Variants in ZRANB3 observed in about 807,000 individuals in gnomAD.
ZRANB3 encodes DNA annealing helicase and endonuclease ZRANB3.
A neutral mutation model predicts 133.8 loss-of-function variants in ZRANB3; 125 were observed. The ratio of observed to expected loss-of-function variants is 0.93; its 90% CI spans 0.81 to 1.08. ZRANB3 has a LOEUF of 1.08. Among genes scored for constraint, ZRANB3 ranks in the 50% least tolerant of loss-of-function variants. The probability of loss-of-function intolerance (pLI) is 0.00; values close to 1 mark genes in which losing one functional copy is unlikely to be tolerated. For synonymous variants in ZRANB3, 387 were observed against 432.7 expected, an observed-to-expected ratio of 0.89 and a Z score of 1.31; for missense variants, 1,229 against 1,275.5, an observed-to-expected ratio of 0.96 and a Z score of 0.56.
At chr2:135,395,183 G>T (rs1050602513) in intron 2 of ZRANB3, among the ~76,000 whole-genome samples, 12 of 152,032 alleles carry the variant, frequency 7.9e-5, no homozygotes, top group Admixed American at 2.0e-4. Context: ...AGAGAACCGA[G>T]AAACAAATCC....
At chr2:135,414,387 TCAA>T (rs200982196) in intron 2 of ZRANB3, among the ~76,000 whole-genome samples, 4,194 of 152,198 alleles carry the variant, frequency 0.028, 85 homozygotes, top group South Asian at 0.045. Context: ...AGGGAACAGT[TCAA>T]CAAGAAGAGC....
chr2:135,220,049 T>A (rs1694474936), intron 15 of ZRANB3, among the ~76,000 whole-genome samples: 1 of 151,890 alleles, frequency 6.6e-6, no homozygotes, highest in African/African-American at 2.4e-5. Context: ...TTTTTTATAT[T>A]TTTTGTAGAG....
At chr2:135,372,572 G>A (rs1686232136) in intron 3 of ZRANB3, among the ~76,000 whole-genome samples, 1 of 151,910 alleles carries the variant, frequency 6.6e-6, no homozygotes, top group Non-Finnish European at 1.5e-5. Context: ...CGGATCATGA[G>A]ATCAGGAGAT....
Position 135,295,327 on chromosome 2 carries a change from C to T in ZRANB3, c.966+18162G>A, listed in dbSNP as rs554231738. 1.5e-4 allele frequency among the ~76,000 whole-genome samples: 23 copies of T among 152,160 alleles called. No individual in the cohort carries two copies. The South Asian group carries it at 2.1e-3, about 14-fold the overall frequency. ...TGTTGAATTGATCCCTTTACCATTA[C>T]ATAATGGCCTTCTTTGTCTCTTTTG... On this transcript the variant is annotated intron_variant, in intron 8 of 20. Coordinates refer to ENST00000264159, the MANE Select transcript of ZRANB3 (RefSeq NM_032143.4).
At chr2:135,247,132 C>T (rs1695834572) in intron 12 of ZRANB3, among the ~76,000 whole-genome samples, 1 of 152,124 alleles carries the variant, frequency 6.6e-6, no homozygotes, top group African/African-American at 2.4e-5. Context: ...GCTCCTGTTC[C>T]TAAAAATATT....
At chr2:135,226,994 A>C (rs1261092169) in intron 14 of ZRANB3, among the ~76,000 whole-genome samples, 1 of 152,226 alleles carries the variant, frequency 6.6e-6, no homozygotes, top group Non-Finnish European at 1.5e-5. Flanking sequence ...GAAATTCTTA[A>C]ATGAACATTT....
At chr2:135,415,158 G>C (rs1688501716) in intron 2 of ZRANB3, among the ~76,000 whole-genome samples, 1 of 142,392 alleles carries the variant, frequency 7.0e-6, no homozygotes, top group African/African-American at 2.6e-5. Flanking sequence ...AAAAATTAAT[G>C]AATCCAGGAG....
chr2:135,234,167 T>G (rs1357938512), intron 12 of ZRANB3, among the ~76,000 whole-genome samples: 1 of 152,148 alleles, frequency 6.6e-6, no homozygotes, highest in Non-Finnish European at 1.5e-5. Flanking sequence ...AAACAGACTT[T>G]AAACCAACAA....
intron 12 of ZRANB3, among the ~76,000 whole-genome samples, chr2:135,243,340 C>T (rs1325344355): frequency 1.3e-5 from 2 of 152,084 alleles, no homozygotes; most frequent in African/African-American, 4.8e-5. Flanking sequence ...ATGGTGAAAC[C>T]CCGTCTCTAC....
intron 3 of ZRANB3, among the ~76,000 whole-genome samples, chr2:135,378,235 G>C (rs955231029): frequency 2.0e-5 from 3 of 152,218 alleles, no homozygotes; most frequent in Non-Finnish European, 4.4e-5. Flanking sequence ...GCTGACACCT[G>C]TAATCCCAGC....
intron 2 of ZRANB3, among the ~76,000 whole-genome samples, chr2:135,392,963 T>C (rs1251968268): frequency 2.6e-5 from 4 of 151,862 alleles, no homozygotes; most frequent in African/African-American, 9.7e-5. Flanking sequence ...ACTGCAGCCT[T>C]GACCTCTAAT....
At chr2:135,482,877 T>C (rs1470143564) in intron 2 of ZRANB3, among the ~76,000 whole-genome samples, 22 of 152,102 alleles carry the variant, frequency 1.4e-4, no homozygotes, top group Non-Finnish European at 3.2e-4. Context: ...GAGATAATCA[T>C]GTGGTTTTTG....
chr2:135,244,171 C>T (rs1157970133), intron 12 of ZRANB3, among the ~76,000 whole-genome samples: 2 of 149,056 alleles, frequency 1.3e-5, no homozygotes, highest in East Asian at 3.9e-4. Flanking sequence ...AACAACAAAA[C>T]AGAACAACAA....
intron 2 of ZRANB3, among the ~76,000 whole-genome samples, chr2:135,425,787 G>C (rs1260393088): frequency 6.6e-6 from 1 of 151,762 alleles, no homozygotes; most frequent in Non-Finnish European, 1.5e-5. Context: ...AGAGGAAATA[G>C]AGAAACAAGA....
intron 12 of ZRANB3, among the ~76,000 whole-genome samples, chr2:135,254,113 A>C (rs1679535589): frequency 6.7e-6 from 1 of 150,318 alleles, no homozygotes; most frequent in South Asian, 2.1e-4. Flanking sequence ...TAGATTTTGC[A>C]TTCTCAGAAC....
chr2:135,277,535 GA>G (rs1680889920), intron 8 of ZRANB3, among the ~76,000 whole-genome samples: 1 of 152,050 alleles, frequency 6.6e-6, no homozygotes, highest in South Asian at 2.1e-4. Flanking sequence ...ATATAAAGAA[GA>G]AAAACAGTAC....
chr2:135,380,976 T>A (rs1686662392), intron 3 of ZRANB3, among the ~76,000 whole-genome samples: 1 of 152,116 alleles, frequency 6.6e-6, no homozygotes, highest in African/African-American at 2.4e-5. Flanking sequence ...ACTGGGTTCA[T>A]CTCACTGGGG....
intron 8 of ZRANB3, among the ~76,000 whole-genome samples, chr2:135,295,212 A>G (rs1023676634): frequency 6.6e-6 from 1 of 152,156 alleles, no homozygotes; most frequent in African/African-American, 2.4e-5. Context: ...GTGGGAGTCT[A>G]AGTCTCTTTG....
chr2:135,202,822 C>T lies in ZRANB3; in HGVS notation c.3141+10G>A, dbSNP rs377526122. 54 of 1,602,052 alleles carry T rather than the reference C, an allele frequency of 3.4e-5. No homozygotes were observed. Among genetic ancestry groups the T allele is most frequent in the Non-Finnish European group, 4.3e-5 (51 of 1,174,010 alleles). On this transcript the variant is annotated intron_variant, in intron 20 of 20. Coordinates refer to ENST00000264159, the MANE Select transcript of ZRANB3 (RefSeq NM_032143.4). Reference sequence around the variant, plus strand: ...GGATGCAGTCAAAGCTATATGAGAGCTTCACTGACCTCTTTGTGACAGACT... The same window carrying T: ...GGATGCAGTCAAAGCTATATGAGAGTTTCACTGACCTCTTTGTGACAGACT...
Sources: gnomAD v4.1 joint callset for allele counts (sites outside exome capture counted in the v4.1 genomes callset) on GRCh38, gnomAD v4.1.1 for gene constraint, MANE v1.5 for transcripts, NCBI Gene and HGNC (gene_info 2026-07-23, HGNC 2026-07-21) for gene names.